Variants in NDUFAF6 observed in about 807,000 individuals in gnomAD.
NDUFAF6 encodes the protein NADH:ubiquinone oxidoreductase complex assembly factor 6, also known as NADH dehydrogenase (ubiquinone) complex I, assembly factor 6.
Under a neutral mutation model 40.8 loss-of-function variants are expected in NDUFAF6, and 45 were observed. The observed-to-expected ratio is 1.10, with a 90% confidence interval of 0.87 to 1.42. NDUFAF6 has a LOEUF of 1.42. NDUFAF6 is among the 40% of genes most tolerant of loss of function. The pLI is 0.00. For synonymous variants in NDUFAF6, 185 were observed against 155.9 expected (o/e 1.19, Z -1.39); for missense variants, 435 against 418.5 (o/e 1.04, Z -0.34).
At chr8:94,901,131 G>A (rs1175225779) in intron 1 of NDUFAF6, among the ~76,000 whole-genome samples, 1 of 152,174 alleles carries the variant, frequency 6.6e-6, no homozygotes, top group Non-Finnish European at 1.5e-5. Context: ...AAATAGGAAG[G>A]AAGAACATCC....
chr8:95,057,106 G>A (rs995911440), intron 8 of NDUFAF6, among the ~76,000 whole-genome samples: 3 of 152,154 alleles, frequency 2.0e-5, no homozygotes, highest in Admixed American at 6.5e-5. Flanking sequence ...TTATGTGGAC[G>A]AGGAGGTCTC....
chr8:95,016,856 C>T (rs1827471365), intron 2 of NDUFAF6, among the ~76,000 whole-genome samples: 1 of 151,750 alleles, frequency 6.6e-6, no homozygotes, highest in South Asian at 2.1e-4. Flanking sequence ...TACAAAGGGA[C>T]TATTTTCATA....
chr8:94,973,466 T>C (rs1428100148), intron 1 of NDUFAF6, among the ~76,000 whole-genome samples: 2 of 152,160 alleles, frequency 1.3e-5, no homozygotes, highest in Admixed American at 6.5e-5. Context: ...CCCAGCACTT[T>C]GGGAGGCTAA....
chr8:95,046,501 T>A (rs1443844444), intron 5 of NDUFAF6, among the ~76,000 whole-genome samples: 1 of 152,184 alleles, frequency 6.6e-6, no homozygotes, highest in East Asian at 1.9e-4. Flanking sequence ...ACCATCTCAT[T>A]TGAAGAAGGT....
chr8:95,004,349 C>CTTTTTTT (rs11422482), intron 2 of NDUFAF6, among the ~76,000 whole-genome samples: 14 of 92,406 alleles, frequency 1.5e-4, no homozygotes, highest in African/African-American at 3.9e-4. Context: ...CTCACCATTA[C>CTTTTTTT]TTTTTTTTTT....
intron 1 of NDUFAF6, among the ~76,000 whole-genome samples, chr8:95,030,206 TTGTTAC>T (rs1203667695): frequency 6.6e-6 from 1 of 151,582 alleles, no homozygotes; most frequent in African/African-American, 2.4e-5. Context: ...CTGTTTCAAA[TTGTTAC>T]TATTATTTAT....
chr8:95,075,612 T>C (rs1833002086), intron 9 of NDUFAF6: 2 of 1,288,086 alleles, frequency 1.6e-6, no homozygotes, highest in Non-Finnish European at 2.0e-6. Flanking sequence ...GGTGAATAAG[T>C]GTCCTCTTTC....
intron 1 of NDUFAF6, among the ~76,000 whole-genome samples, chr8:94,973,467 G>A (rs113846210): frequency 0.025 from 3,804 of 152,304 alleles, 162 homozygotes; most frequent in African/African-American, 0.087. Flanking sequence ...CCAGCACTTT[G>A]GGAGGCTAAG....
At chr8:94,949,715 G>A (rs1586771958) in intron 2 of NDUFAF6, among the ~76,000 whole-genome samples, 1 of 152,294 alleles carries the variant, frequency 6.6e-6, no homozygotes, top group Non-Finnish European at 1.5e-5. Flanking sequence ...GGCGGGCAAC[G>A]GGAAGGGCAG....
chr8:94,914,391 C>T (rs1818989059), intron 1 of NDUFAF6, among the ~76,000 whole-genome samples: 1 of 152,114 alleles, frequency 6.6e-6, no homozygotes, highest in African/African-American at 2.4e-5. Context: ...CCTGGTTACT[C>T]ATGTTTTGTT....
At chr8:94,968,077 C>A (rs1330161779) in intron 1 of NDUFAF6, among the ~76,000 whole-genome samples, 1 of 152,182 alleles carries the variant, frequency 6.6e-6, no homozygotes. Flanking sequence ...CCAGAGATGT[C>A]AGCTCATTGC....
intron 1 of NDUFAF6, among the ~76,000 whole-genome samples, chr8:94,976,417 T>G (rs1824943245): frequency 7.0e-6 from 1 of 141,994 alleles, no homozygotes; most frequent in Non-Finnish European, 1.5e-5. Flanking sequence ...GTTACGAGAA[T>G]CACTTGAACC....
intron 1 of NDUFAF6, among the ~76,000 whole-genome samples, chr8:94,961,279 A>G (rs867042048): frequency 5.9e-5 from 9 of 152,146 alleles, no homozygotes; most frequent in African/African-American, 1.9e-4. Context: ...GTACCATCCA[A>G]CCTTTCATTC....
At chr8:95,114,163 A>ACAAAC (rs1554693678) in intron 4 of NDUFAF6, among the ~76,000 whole-genome samples, 2 of 151,500 alleles carry the variant, frequency 1.3e-5, no homozygotes, top group Middle Eastern at 3.4e-3. Context: ...TAATAATAAT[A>ACAAAC]AAACAAACAA....
At chr8:95,012,285 G>GT (rs1827256200) in intron 2 of NDUFAF6, among the ~76,000 whole-genome samples, 1 of 152,078 alleles carries the variant, frequency 6.6e-6, no homozygotes, top group Non-Finnish European at 1.5e-5. Flanking sequence ...CCTTATGTAA[G>GT]TAAGGGCTCT....
chr8:94,905,781 C>A (rs1818355368), intron 1 of NDUFAF6, among the ~76,000 whole-genome samples: 2 of 152,150 alleles, frequency 1.3e-5, no homozygotes, highest in African/African-American at 4.8e-5. Context: ...TTGAATTTCC[C>A]TGGGGATGGC....
At chr8:94,972,811 G>A (rs1223122609) in intron 1 of NDUFAF6, among the ~76,000 whole-genome samples, 1 of 151,982 alleles carries the variant, frequency 6.6e-6, no homozygotes, top group Non-Finnish European at 1.5e-5. Flanking sequence ...GAGGTGGGAG[G>A]CTTGCTTAAG....
intron 2 of NDUFAF6, among the ~76,000 whole-genome samples, chr8:95,082,059 G>A (rs1808887447): frequency 6.6e-6 from 1 of 151,660 alleles, no homozygotes; most frequent in Admixed American, 6.6e-5. Flanking sequence ...GTGAGACTCC[G>A]TCTCAAAAAA....
intron 8 of NDUFAF6, among the ~76,000 whole-genome samples, chr8:95,054,824 C>G (rs1197003221): frequency 6.6e-6 from 1 of 152,198 alleles, no homozygotes; most frequent in African/African-American, 2.4e-5. Flanking sequence ...CACCCTCATT[C>G]CAGCTTGGAC....
Sources: gnomAD v4.1 joint callset for allele counts (sites outside exome capture counted in the v4.1 genomes callset) on GRCh38, gnomAD v4.1.1 for gene constraint, MANE v1.5 for transcripts, NCBI Gene and HGNC (gene_info 2026-07-23, HGNC 2026-07-21) for gene names.